The following CASK variants were observed in gnomAD, a reference collection of about 807,000 sequenced individuals.
The protein encoded by CASK is peripheral plasma membrane protein CASK.
A neutral mutation model predicts 82.9 loss-of-function variants in CASK; 4 were observed. That is an observed-to-expected ratio of 0.05 (90% CI 0.02 to 0.11). CASK has a LOEUF of 0.11. Among genes scored for constraint, CASK ranks in the 10% least tolerant of loss-of-function variants. The pLI, the probability that CASK is intolerant of heterozygous loss-of-function variation, is 1.00. For missense variants in CASK, 358 were observed against 720.9 expected (o/e 0.50, Z 5.76); for synonymous variants, 259 against 253.5 (o/e 1.02, Z -0.20).
chrX:41,618,949 C>T (rs760632282), intron 11 of CASK, among the ~76,000 whole-genome samples: 229 of 107,482 alleles, frequency 2.1e-3, no homozygotes, highest in African/African-American at 6.5e-3. Context: ...GCCTCAGCCT[C>T]CCGAGTAGCT....
At chrX:41,791,847 A>T (rs944856955) in intron 2 of CASK, among the ~76,000 whole-genome samples, 1 of 111,535 alleles carries the variant, frequency 9.0e-6, no homozygotes, top group African/African-American at 3.3e-5. Context: ...AGGAAATTTT[A>T]AAAATATTTT....
At chrX:41,523,067 A>G (rs2064660935) in intron 26 of CASK, 1 of 112,524 alleles carries the variant, frequency 8.9e-6, no homozygotes, top group Admixed American at 9.4e-5. Context: ...AGGCAAAACA[A>G]AAACAAAGCA....
intron 2 of CASK, among the ~76,000 whole-genome samples, chrX:41,796,084 C>T (rs753280606): frequency 6.3e-5 from 7 of 111,520 alleles, no homozygotes; most frequent in Non-Finnish European, 1.1e-4. Context: ...GACTGGTCAC[C>T]CTACTTCCAC....
At position 41,549,130 on chromosome X, in the gene CASK, G is replaced by C. The variant is rs1203084975; in HGVS notation, c.2039+4589C>G. On this transcript the variant is annotated intron_variant, in intron 21 of 26. Transcript: ENST00000378163. ...GATGTGCCTAGAGTAAGGCATTTGGGTCCGAAAAAACTGATTTCTCATCTA... is the reference window on the plus strand; with the variant it reads ...GATGTGCCTAGAGTAAGGCATTTGGCTCCGAAAAAACTGATTTCTCATCTA... Among the ~76,000 whole-genome samples, 3 of 111,630 alleles carry C rather than the reference G, an allele frequency of 2.7e-5. No homozygotes were observed. The Admixed American group carries it at 2.9e-4, about 11-fold the overall frequency.
intron 11 of CASK, among the ~76,000 whole-genome samples, chrX:41,612,575 G>A (rs1272408823): frequency 8.8e-5 from 9 of 102,776 alleles, no homozygotes; most frequent in East Asian, 3.3e-4. Context: ...GGGAGGTGAG[G>A]GGCGCCTCTG....
intron 11 of CASK, among the ~76,000 whole-genome samples, chrX:41,611,706 G>GTCTCCC (rs1263346169): frequency 8.9e-4 from 67 of 75,446 alleles, no homozygotes; most frequent in African/African-American, 3.2e-3. Flanking sequence ...TCTCCCCACG[G>GTCTCCC]TCTCCCTCTC....
chrX:41,718,862 T>C (rs2068111328), intron 5 of CASK, among the ~76,000 whole-genome samples: 1 of 111,537 alleles, frequency 9.0e-6, no homozygotes, highest in Admixed American at 9.5e-5. Flanking sequence ...GGCTTTCTTA[T>C]TAGGCAAAGT....
rs751531384 is a variant in CASK, at chrX:41,605,259, G to T, written c.1155+4645C>A. Reference sequence around the variant, plus strand: ...ATTAATTAGCCTTAATTAATTCATGGTCCATAAAACTATGCCCCCTGGGTG... The same window carrying T: ...ATTAATTAGCCTTAATTAATTCATGTTCCATAAAACTATGCCCCCTGGGTG... On this transcript the variant is annotated intron_variant, in intron 12 of 26. Transcript: ENST00000378163. Among the ~76,000 whole-genome samples, 9 of 111,369 alleles carry T rather than the reference G, an allele frequency of 8.1e-5. No individual in the cohort carries two copies. The South Asian group carries it at 3.4e-3, about 42-fold the overall frequency.
In CASK at chrX:41,848,011, T is replaced by C. The variant is rs941224664; in HGVS notation, c.172+5104A>G. 3.6e-5 allele frequency among the ~76,000 whole-genome samples: 4 copies of C among 112,591 alleles called. No homozygotes were observed. The East Asian group carries it at 8.3e-4, about 23-fold the overall frequency. On this transcript the variant is annotated intron_variant, in intron 2 of 26. Coordinates refer to ENST00000378163, the MANE Select transcript of CASK (RefSeq NM_001367721.1). The stretch of plus-strand genomic sequence containing the variant: ...ATGGCCTTCTTAACATAGTATTTTC[T>C]AGAGAATACGTTGTAGCTTTTTCAA...
rs1410601726 is a variant in CASK at position 41,628,828 on chromosome X, C to T, written c.916-2125G>A. ...TTTTATAAAAACTTATTTTACTTTACGTATTATACATGTTTCCTAAAAGCT... is the reference window on the plus strand; with the variant it reads ...TTTTATAAAAACTTATTTTACTTTATGTATTATACATGTTTCCTAAAAGCT... On this transcript the variant is annotated intron_variant, in intron 9 of 26. Transcript: ENST00000378163. 4.5e-5 allele frequency among the ~76,000 whole-genome samples: 5 copies of T among 111,885 alleles called. No individual in the cohort carries two copies. In the South Asian group the frequency reaches 1.5e-3, roughly 33 times the overall value.
intron 24 of CASK, among the ~76,000 whole-genome samples, chrX:41,532,983 G>A (rs1201704864): frequency 9.0e-6 from 1 of 110,833 alleles, no homozygotes. Flanking sequence ...GCTAACTTTT[G>A]TATTTTTAGT....
chrX:41,844,026 C>T (rs889190708), intron 2 of CASK, among the ~76,000 whole-genome samples: 1 of 111,617 alleles, frequency 9.0e-6, no homozygotes, highest in Non-Finnish European at 1.9e-5. Flanking sequence ...TGTTTCATTT[C>T]TCTTAGGCAT....
chrX:41,895,142 T>C (rs1044319496), intron 1 of CASK, among the ~76,000 whole-genome samples: 3 of 111,231 alleles, frequency 2.7e-5, no homozygotes, highest in Non-Finnish European at 5.7e-5. Flanking sequence ...CAACTTACTC[T>C]TACTTTGCAC....
chrX:41,554,883 C>T (rs2065141704), intron 20 of CASK, among the ~76,000 whole-genome samples: 1 of 111,853 alleles, frequency 8.9e-6, no homozygotes, highest in Non-Finnish European at 1.9e-5. Context: ...AATTCTATCT[C>T]TTGAAATTAA....
chrX:41,599,325 T>C (rs978813641), intron 12 of CASK, among the ~76,000 whole-genome samples: 1 of 112,137 alleles, frequency 8.9e-6, no homozygotes, highest in African/African-American at 3.2e-5. Context: ...ATATCCTTAC[T>C]TGAAGGTGCA....
At chrX:41,697,140 G>T in intron 5 of CASK, 1 of 144,841 alleles carries the variant, frequency 6.9e-6, no homozygotes, top group Non-Finnish European at 1.5e-5. Flanking sequence ...AAATGATTTG[G>T]GAACTGACAA....
intron 25 of CASK, among the ~76,000 whole-genome samples, chrX:41,528,901 G>A (rs1384893640): frequency 1.8e-5 from 2 of 112,272 alleles, no homozygotes; most frequent in Non-Finnish European, 3.8e-5. Context: ...CCCAGTCGGT[G>A]CAGACTGCGG....
In CASK at chrX:41,844,853, T is replaced by C. The variant is rs183030193; in HGVS notation, c.172+8262A>G. ...AATAAACTTCCCCCTAATCACTGCT[T>C]TTGCTGCATCTCATAAATATTGGTA... On this transcript the variant is annotated intron_variant, in intron 2 of 26. Transcript: ENST00000378163. 2.4e-3 allele frequency among the ~76,000 whole-genome samples: 274 copies of C among 111,913 alleles called. 1 individual carries two copies. The highest frequency in any genetic ancestry group is 8.6e-3 in the African/African-American group (267 of 30,916).
chrX:41,809,708 C>A (rs1310023780), intron 2 of CASK, among the ~76,000 whole-genome samples: 1 of 112,107 alleles, frequency 8.9e-6, no homozygotes, highest in Non-Finnish European at 1.9e-5. Flanking sequence ...GAACGCAGCT[C>A]CTTGCCAGCA....
Sources: gnomAD v4.1 joint callset for allele counts (sites outside exome capture counted in the v4.1 genomes callset) on GRCh38, gnomAD v4.1.1 for gene constraint, MANE v1.5 for transcripts, NCBI Gene and HGNC (gene_info 2026-07-23, HGNC 2026-07-21) for gene names.